RABGEF1: variants seen among roughly 807,000 people sequenced by gnomAD.
RABGEF1 encodes rab5 GDP/GTP exchange factor.
Under a neutral mutation model 57.3 loss-of-function variants are expected in RABGEF1, and 26 were observed. That is an observed-to-expected ratio of 0.45 (90% CI 0.33 to 0.63). RABGEF1 has a LOEUF of 0.63. Among genes scored for constraint, RABGEF1 ranks in the 20% least tolerant of loss-of-function variants. The pLI, the probability that RABGEF1 is intolerant of heterozygous loss-of-function variation, is 0.02. For missense variants in RABGEF1, 464 were observed against 607.6 expected (o/e 0.76, Z 2.48); for synonymous variants, 185 against 210.7 (o/e 0.88, Z 1.06).
the RABGEF1 span, among the ~76,000 whole-genome samples, chr7:66,659,472 GA>G: frequency 7.2e-6 from 1 of 139,668 alleles, no homozygotes; most frequent in African/African-American, 2.7e-5. Flanking sequence ...AAAGAAAAAA[GA>G]AAAAAAAGAA....
At chr7:66,759,508 A>G (rs977102528) in intron 1 of RABGEF1, among the ~76,000 whole-genome samples, 1 of 152,198 alleles carries the variant, frequency 6.6e-6, no homozygotes. Context: ...ATTCTCACGT[A>G]GTTATAAAGA....
At chr7:66,767,759 A>G (rs546129043) in intron 1 of RABGEF1, among the ~76,000 whole-genome samples, 1 of 152,304 alleles carries the variant, frequency 6.6e-6, no homozygotes, top group South Asian at 2.1e-4. Flanking sequence ...GAACCACCAG[A>G]CACCAACATC....
chr7:66,719,152 C>T (rs546167005), intron 2 of RABGEF1, among the ~76,000 whole-genome samples: 3 of 152,306 alleles, frequency 2.0e-5, no homozygotes, highest in Admixed American at 1.3e-4. Flanking sequence ...CAGTAGGGAA[C>T]GGCAATTAAC....
Position 66,805,223 on chromosome 7 carries a change from A to G in RABGEF1, c.904A>G (p.Ile302Val), listed in dbSNP as rs1291053632. ...TKCSKHIFNA[I>V]KITKNEPASA... ...GTGCAGCAAGCACATCTTCAATGCC[A>G]TCAAGATCACCAAGAATGAGCCGGC... Residue 302 changes from isoleucine to valine, a missense_variant, in exon 8 of 9, where the codon ATC becomes GTC. By Grantham distance (29) the Ile-to-Val change is conservative. Transcript: ENST00000284957. The G allele has an allele frequency of 1.9e-6, 3 of 1,614,188 alleles. No individual in the cohort carries two copies. Among genetic ancestry groups the G allele is most frequent in the South Asian group, 2.2e-5 (2 of 91,082 alleles).
At chr7:66,762,348 T>C (rs978794719) in intron 1 of RABGEF1, among the ~76,000 whole-genome samples, 1 of 151,704 alleles carries the variant, frequency 6.6e-6, no homozygotes, top group Non-Finnish European at 1.5e-5. Context: ...CCCAGCACTT[T>C]GGGAGGCCAA....
chr7:66,763,341 C>G (rs745713514), intron 1 of RABGEF1, among the ~76,000 whole-genome samples: 1 of 152,200 alleles, frequency 6.6e-6, no homozygotes, highest in Non-Finnish European at 1.5e-5. Flanking sequence ...AATTCATTTT[C>G]ATGTGGTGAA....
At chr7:66,785,632 T>C (rs1302761026) in intron 4 of RABGEF1, among the ~76,000 whole-genome samples, 1 of 152,190 alleles carries the variant, frequency 6.6e-6, no homozygotes, top group Non-Finnish European at 1.5e-5. Flanking sequence ...CCCAACATTT[T>C]GGGAGGCCGA....
intron 1 of RABGEF1, among the ~76,000 whole-genome samples, chr7:66,760,771 TACTC>T (rs1056771436): frequency 3.3e-5 from 5 of 151,696 alleles, no homozygotes; most frequent in African/African-American, 2.4e-5. Flanking sequence ...TAATGGCTAA[TACTC>T]ACGAGGGGAA....
rs534555389 is a variant in RABGEF1 at position 66,750,735 on chromosome 7, A to G, written c.-18+9943A>G. Among the ~76,000 whole-genome samples the G allele has an allele frequency of 2.0e-5, 3 of 152,386 alleles. No individual in the cohort carries two copies. The South Asian group carries it at 6.2e-4, about 32-fold the overall frequency. On this transcript the variant is annotated intron_variant, in intron 1 of 8. Transcript: ENST00000284957. ...GAAAAACTGATCAGCCAGTTGGACT[A>G]CAGGTCCAACCAGTTCCAGCCCCAA...
chr7:66,775,389 G>A lies in RABGEF1; in HGVS notation c.342G>A (p.Lys114=). The A allele has an allele frequency of 6.2e-7, 1 of 1,613,796 alleles. No homozygotes were observed. The highest frequency in any genetic ancestry group is 8.5e-7 in the Non-Finnish European group (1 of 1,179,756). The stretch of plus-strand genomic sequence containing the variant: ...GTGCATCTTCCAGGGTCGGATCAAA[G>A]AAGGGTAATGTTCTGATACTCTTTT... The part of the protein sequence containing the change: ...FFSASSRVGS[K]KEIQEAKAPS... Residue 114 remains lysine, a synonymous_variant, in exon 3 of 9, where the codon AAG becomes AAA. Transcript: ENST00000284957.
intron 1 of RABGEF1, among the ~76,000 whole-genome samples, chr7:66,688,885 G>A (rs2117098898): frequency 6.6e-6 from 1 of 152,276 alleles, no homozygotes; most frequent in Middle Eastern, 3.4e-3. Context: ...CTGAGGTCAG[G>A]AGTTCAAGAC....
At chr7:66,790,486 C>T (rs1455185871) in intron 4 of RABGEF1, among the ~76,000 whole-genome samples, 1 of 152,200 alleles carries the variant, frequency 6.6e-6, no homozygotes, top group African/African-American at 2.4e-5. Context: ...TCTTGTTCCA[C>T]ATGCTGGTTT....
At position 66,725,977 on chromosome 7, in the gene RABGEF1, C is replaced by A. The variant is rs527450969; in HGVS notation, c.-815+13753C>A. ...TCCCACTTAGAAAACCCCCATTCAT[C>A]AGGCCTCCCTTGATCAGTGGAGGTC... On this transcript the variant is annotated intron_variant and NMD_transcript_variant, in intron 2 of 9. Coordinates refer to the RABGEF1 transcript ENST00000607882. Among the ~76,000 whole-genome samples the A allele has an allele frequency of 8.5e-5, 13 of 152,320 alleles. No individual in the cohort carries two copies. In the East Asian group the frequency reaches 2.3e-3, roughly 27 times the overall value.
the RABGEF1 span, among the ~76,000 whole-genome samples, chr7:66,656,597 G>A: frequency 6.6e-6 from 1 of 151,994 alleles, no homozygotes; most frequent in Non-Finnish European, 1.5e-5. Flanking sequence ...CGAGGCGGTC[G>A]GATCATGTGG....
chr7:66,727,330 G>T (rs1796698037), intron 2 of RABGEF1, among the ~76,000 whole-genome samples: 1 of 152,184 alleles, frequency 6.6e-6, no homozygotes, highest in South Asian at 2.1e-4. Flanking sequence ...TGAATTGGGG[G>T]TTCTCTGGAC....
At chr7:66,672,113 C>T in the RABGEF1 span, among the ~76,000 whole-genome samples, 1 of 151,554 alleles carries the variant, frequency 6.6e-6, no homozygotes, top group South Asian at 2.1e-4. Context: ...GGCTGAGACT[C>T]TGTCTGTTAA....
chr7:66,745,108 C>T (rs1037668314), intron 1 of RABGEF1, among the ~76,000 whole-genome samples: 6 of 151,654 alleles, frequency 4.0e-5, no homozygotes, highest in Non-Finnish European at 4.4e-5. Context: ...AGGAGAATGG[C>T]GTGAACCCGG....
intron 3 of RABGEF1, among the ~76,000 whole-genome samples, chr7:66,775,770 T>C (rs1473453287): frequency 6.6e-6 from 1 of 152,186 alleles, no homozygotes; most frequent in Non-Finnish European, 1.5e-5. Flanking sequence ...GAAATGGTGA[T>C]TTCTAGGCTT....
At chr7:66,693,676 G>C (rs1195602714) in intron 1 of RABGEF1, among the ~76,000 whole-genome samples, 1 of 152,238 alleles carries the variant, frequency 6.6e-6, no homozygotes, top group Non-Finnish European at 1.5e-5. Context: ...AGGGCCCAGG[G>C]CTGGGAGTGC....
Sources: allele counts gnomAD v4.1 joint callset (sites outside exome capture counted in the v4.1 genomes callset), GRCh38; gene constraint gnomAD v4.1.1; transcripts MANE v1.5; gene names NCBI Gene and HGNC (gene_info 2026-07-23, HGNC 2026-07-21).